The following KYNU variants were observed in gnomAD, a reference collection of about 807,000 sequenced individuals.
KYNU encodes the protein L-kynurenine hydrolase.
KYNU carries 54 observed loss-of-function variants against 59.2 expected under a neutral mutation model. That is an observed-to-expected ratio of 0.91 (90% CI 0.73 to 1.14). The LOEUF is 1.14. Ranked by LOEUF, KYNU falls within the 50% of genes most tolerant of loss-of-function variation. KYNU has a pLI of 0.00. For synonymous variants in KYNU, 177 were observed against 192.0 expected, an observed-to-expected ratio of 0.92 and a Z score of 0.65; for missense variants, 567 against 554.4, an observed-to-expected ratio of 1.02 and a Z score of -0.23.
At chr2:142,999,254 TAG>T (rs1159725896) in intron 10 of KYNU, among the ~76,000 whole-genome samples, 3 of 152,172 alleles carry the variant, frequency 2.0e-5, no homozygotes, top group Non-Finnish European at 4.4e-5. Flanking sequence ...TGTGGAATCT[TAG>T]ACTATTTATC....
In KYNU at chr2:143,052,765, A is replaced by C. The variant is rs1687287590; in HGVS notation, c.*10593A>C. The C allele has an allele frequency of 1.3e-5, 2 of 152,342 alleles. No homozygotes were observed. The highest frequency in any genetic ancestry group is 2.9e-5 in the Non-Finnish European group (2 of 68,112). 9.4% of individuals were successfully genotyped at this position (152,342 alleles called of 1,614,324 possible). On this transcript the variant is annotated 3_prime_UTR_variant, in exon 14 of 14. Transcript: ENST00000264170. ...AGTTTGCTGCAGGGGCAAGGCCCTCATGGAGAACCTCTGCTAGGGCAGTGA... is the reference window on the plus strand; with the variant it reads ...AGTTTGCTGCAGGGGCAAGGCCCTCCTGGAGAACCTCTGCTAGGGCAGTGA...
At chr2:142,947,295 C>G (rs1470539130) in intron 4 of KYNU, 1 of 1,411,836 alleles carries the variant, frequency 7.1e-7, no homozygotes. Context: ...AAACTCACCA[C>G]TACACACCTG....
intron 2 of KYNU, among the ~76,000 whole-genome samples, chr2:142,898,482 C>T (rs1465113241): frequency 6.6e-6 from 1 of 151,486 alleles, no homozygotes; most frequent in Non-Finnish European, 1.5e-5. Context: ...AAAAAAAAAT[C>T]AATTTAAATT....
intron 2 of KYNU, among the ~76,000 whole-genome samples, chr2:142,913,613 C>T (rs1361261274): frequency 1.3e-5 from 2 of 152,130 alleles, no homozygotes; most frequent in Non-Finnish European, 1.5e-5. Context: ...TATCTCCAAG[C>T]ATATGGTCAA....
intron 4 of KYNU, among the ~76,000 whole-genome samples, chr2:142,953,562 G>A (rs1029585911): frequency 6.6e-6 from 1 of 152,154 alleles, no homozygotes; most frequent in African/African-American, 2.4e-5. Flanking sequence ...GTCACTATAT[G>A]CAACATAAGC....
intron 8 of KYNU, among the ~76,000 whole-genome samples, chr2:142,975,620 C>T (rs977571560): frequency 6.6e-6 from 1 of 152,200 alleles, no homozygotes; most frequent in Non-Finnish European, 1.5e-5. Context: ...CACACACTCG[C>T]CTGCATGCTC....
intron 10 of KYNU, among the ~76,000 whole-genome samples, chr2:143,003,585 A>G (rs935414498): frequency 6.6e-6 from 1 of 151,908 alleles, no homozygotes; most frequent in Non-Finnish European, 1.5e-5. Flanking sequence ...CTGTCTGAAA[A>G]CAAACAAACA....
intron 10 of KYNU, among the ~76,000 whole-genome samples, chr2:142,988,148 G>GA (rs894881301): frequency 2.8e-4 from 42 of 149,602 alleles, no homozygotes; most frequent in African/African-American, 7.3e-4. Flanking sequence ...GGGGTTATAT[G>GA]AAAAAAAAAA....
chr2:142,994,230 A>G (rs1295628125), intron 10 of KYNU, among the ~76,000 whole-genome samples: 1 of 152,026 alleles, frequency 6.6e-6, no homozygotes, highest in African/African-American at 2.4e-5. Flanking sequence ...TGCTGTGTGA[A>G]GCAGCATTGC....
rs138504023 is a variant in KYNU, at chr2:143,003,287, G to T, written c.902+17266G>T. Among the ~76,000 whole-genome samples, 8 of 143,352 alleles carry T rather than the reference G, an allele frequency of 5.6e-5. No individual in the cohort carries two copies. In the South Asian group the frequency reaches 6.6e-4, roughly 12 times the overall value. The allele number at this position is 143,352 out of a possible 152,430, so 94.0% of individuals were successfully genotyped here. On this transcript the variant is annotated intron_variant, in intron 10 of 13. Coordinates refer to ENST00000264170, the MANE Select transcript of KYNU (RefSeq NM_003937.3). ...ATACAAAAACACTTCTTTACAGCTG[G>T]GGGGGGTGGCTCACACCTATAATCC...
chr2:142,961,548 A>C (rs1422252920), intron 8 of KYNU, among the ~76,000 whole-genome samples: 2 of 152,212 alleles, frequency 1.3e-5, no homozygotes, highest in Non-Finnish European at 2.9e-5. Flanking sequence ...GAAGAAATGC[A>C]GAATTCAATT....
rs555748505 is a variant in KYNU, at chr2:142,880,702, T to C, written c.-20+2966T>C. Reference sequence around the variant, plus strand: ...CATCACTGTTTGGTTAGAGCTTTTATAGCAAATAATTCACAGATCTTTGAT... The same window carrying C: ...CATCACTGTTTGGTTAGAGCTTTTACAGCAAATAATTCACAGATCTTTGAT... On this transcript the variant is annotated intron_variant, in intron 1 of 13. Transcript: ENST00000264170. Among the ~76,000 whole-genome samples, 46 of 152,350 alleles carry C rather than the reference T, an allele frequency of 3.0e-4. No homozygotes were observed. In the South Asian group the frequency reaches 9.3e-3, roughly 31 times the overall value.
chr2:142,941,122 G>A (rs532958470), intron 4 of KYNU, among the ~76,000 whole-genome samples: 92 of 152,280 alleles, frequency 6.0e-4, no homozygotes, highest in African/African-American at 2.1e-3. Context: ...AGAGCTAAAA[G>A]TTTCACCTCT....
intron 10 of KYNU, among the ~76,000 whole-genome samples, chr2:143,028,243 CTTTTTTTTTTTTTT>C: frequency 1.1e-5 from 1 of 90,442 alleles, no homozygotes; most frequent in Non-Finnish European, 2.0e-5. Context: ...ATTTTACATT[CTTTTTTTTTTTTTT>C]TTTTTTGAGA....
Position 142,985,108 on chromosome 2 carries a change from G to T in KYNU, c.754G>T (p.Ala252Ser). Residue 252 changes from alanine (A) to serine (S), a missense_variant, in exon 9 of 14, where the codon GCA becomes TCA. Ala to Ser is a moderately conservative substitution (Grantham distance 99). Transcript: ENST00000264170. ...GGGTTGTTATGTTGGCTTTGATCTA[G>T]CACATGCAGTTGGAAATGTTGAACT... ...AKGCYVGFDL[A>S]HAVGNVELYL... The T allele has an allele frequency of 6.2e-7, 1 of 1,610,138 alleles. No homozygotes were observed. The highest frequency in any genetic ancestry group is 1.3e-5 in the African/African-American group (1 of 74,854).
rs1039836445 is a variant in KYNU at position 143,046,914 on chromosome 2, T to G, written c.*4742T>G. The G allele has an allele frequency of 1.3e-5, 2 of 152,312 alleles. No homozygotes were observed. Among genetic ancestry groups the G allele is most frequent in the African/African-American group, 4.8e-5 (2 of 41,580 alleles). The allele number at this position is 152,312 out of a possible 1,614,324, so 9.4% of individuals were successfully genotyped here. A position where few individuals can be genotyped will look rare whatever the true frequency, so the allele number is the denominator to read the frequency against. ...GGAAGAATTGACTCAATAGTGAGCC[T>G]TCCTACCCAAGACCATGGCATTTAT... On this transcript the variant is annotated 3_prime_UTR_variant, in exon 14 of 14. Transcript: ENST00000264170.
At chr2:143,038,905 A>G (rs370252341) in intron 12 of KYNU, among the ~76,000 whole-genome samples, 1 of 152,330 alleles carries the variant, frequency 6.6e-6, no homozygotes, top group African/African-American at 2.4e-5. Flanking sequence ...CTCATGACAC[A>G]GAAAAGGAAC....
At chr2:142,899,825 G>A (rs1188123008) in intron 2 of KYNU, among the ~76,000 whole-genome samples, 5 of 152,298 alleles carry the variant, frequency 3.3e-5, no homozygotes, top group Non-Finnish European at 7.4e-5. Flanking sequence ...TTTGGCACAC[G>A]TCACAGGCCC....
chr2:142,922,847 C>G (rs780647429), intron 3 of KYNU, among the ~76,000 whole-genome samples: 1 of 152,184 alleles, frequency 6.6e-6, no homozygotes. Context: ...CGCTGCTATA[C>G]AAAATACCTG....
Sources: allele counts gnomAD v4.1 joint callset (sites outside exome capture counted in the v4.1 genomes callset), GRCh38; gene constraint gnomAD v4.1.1; transcripts MANE v1.5; gene names NCBI Gene and HGNC (gene_info 2026-07-23, HGNC 2026-07-21).